The following CNTNAP2 variants were observed in gnomAD, a reference collection of about 807,000 sequenced individuals.
CNTNAP2 encodes the protein contactin associated protein 2.
In CNTNAP2, 98 loss-of-function variants were observed where a neutral mutation model predicts 155.2. The observed-to-expected ratio is 0.63, with a 90% CI of 0.54 to 0.75. CNTNAP2 has a LOEUF of 0.75. Ranked by LOEUF, CNTNAP2 falls within the 30% of genes least tolerant of loss-of-function variation. The pLI is 0.00. For missense variants in CNTNAP2, 1,727 were observed against 1,688.1 expected (o/e 1.02, Z -0.40); for synonymous variants, 651 against 631.2 (o/e 1.03, Z -0.47).
At chr7:147,229,431 C>T (rs1356382777) in intron 8 of CNTNAP2, among the ~76,000 whole-genome samples, 3 of 151,944 alleles carry the variant, frequency 2.0e-5, no homozygotes, top group Non-Finnish European at 4.4e-5. Context: ...CCATGTAAGC[C>T]ACAATAAAAC....
At chr7:147,852,313 A>G (rs912630604) in intron 13 of CNTNAP2, among the ~76,000 whole-genome samples, 1 of 152,202 alleles carries the variant, frequency 6.6e-6, no homozygotes, top group Non-Finnish European at 1.5e-5. Context: ...GCAAACTACA[A>G]TTACAGAGGA....
At chr7:147,824,840 G>A (rs949387975) in intron 13 of CNTNAP2, among the ~76,000 whole-genome samples, 5 of 151,934 alleles carry the variant, frequency 3.3e-5, no homozygotes, top group African/African-American at 1.2e-4. Flanking sequence ...GTTGTCTGGG[G>A]GACACTAGAA....
intron 15 of CNTNAP2, among the ~76,000 whole-genome samples, chr7:148,034,206 T>G (rs923318119): frequency 6.6e-6 from 1 of 152,250 alleles, no homozygotes. Context: ...TAGAATTTCC[T>G]GTGTGTAGCA....
chr7:148,098,469 AGCATGCTTGTGTGACTGGAGCCT>A (rs1804020644), intron 15 of CNTNAP2, among the ~76,000 whole-genome samples: 1 of 147,378 alleles, frequency 6.8e-6, no homozygotes, highest in African/African-American at 2.6e-5. Flanking sequence ...AAAAAAAAAA[AGCATGCTTGTGTGACTGGAGCCT>A]AATAAGCAAG....
Position 146,255,799 on chromosome 7 carries a change from C to T in CNTNAP2, c.97+138826C>T, listed in dbSNP as rs142107842. On this transcript the variant is annotated intron_variant, in intron 1 of 23. Coordinates refer to ENST00000361727, the MANE Select transcript of CNTNAP2 (RefSeq NM_014141.6). ...ATTTGTAGCTGGAAAGTGTAAGGGC[C>T]GGTTCCAGAGGTTTGCACTGTAGCA... is the stretch of plus-strand genomic sequence containing the variant. Among the ~76,000 whole-genome samples the T allele has an allele frequency of 5.1e-3, 779 of 152,136 alleles. 5 individuals are homozygous for T. Among genetic ancestry groups the T allele is most frequent in the African/African-American group, 0.018 (742 of 41,490 alleles).
At chr7:146,979,789 C>T (rs1797979160) in intron 3 of CNTNAP2, among the ~76,000 whole-genome samples, 1 of 152,132 alleles carries the variant, frequency 6.6e-6, no homozygotes, top group African/African-American at 2.4e-5. Context: ...GAAATAATAA[C>T]TATGTAAGCT....
chr7:148,338,475 C>T (rs1287401543), intron 21 of CNTNAP2, among the ~76,000 whole-genome samples: 1 of 151,874 alleles, frequency 6.6e-6, no homozygotes, highest in African/African-American at 2.4e-5. Context: ...CTCTTCCCTC[C>T]CCCCACCCCG....
intron 1 of CNTNAP2, among the ~76,000 whole-genome samples, chr7:146,759,734 G>A (rs1422585590): frequency 1.4e-5 from 2 of 147,858 alleles, no homozygotes; most frequent in East Asian, 2.0e-4. Flanking sequence ...GGGGTGGGGT[G>A]TGAGAGCAAG....
intron 13 of CNTNAP2, among the ~76,000 whole-genome samples, chr7:147,808,461 C>A (rs1798127346): frequency 6.6e-6 from 1 of 152,158 alleles, no homozygotes; most frequent in Non-Finnish European, 1.5e-5. Context: ...TTCTTTCTAT[C>A]CTCCCAAAGA....
chr7:146,589,107 C>T lies in CNTNAP2; in HGVS notation c.98-185164C>T, dbSNP rs1285991644. Among the ~76,000 whole-genome samples, 3 of 152,126 alleles carry T rather than the reference C, an allele frequency of 2.0e-5. No homozygotes were observed. In the East Asian group the frequency reaches 5.8e-4, roughly 29 times the overall value. ...TATTTCACATACTCACAAGTTCCCC[C>T]ATTCCATTTCTAGAAAGCTTTTGGA... On this transcript the variant is annotated intron_variant, in intron 1 of 23. Transcript: ENST00000361727.
intron 1 of CNTNAP2, among the ~76,000 whole-genome samples, chr7:146,316,749 G>A (rs1563035153): frequency 6.8e-6 from 1 of 146,122 alleles, no homozygotes; most frequent in Non-Finnish European, 1.5e-5. Context: ...AATGTGTTCA[G>A]GTTTTTTAAT....
At position 148,419,644 on chromosome 7, in the gene CNTNAP2, A is replaced by C. The variant is rs556119615; in HGVS notation, c.*4028A>C. On this transcript the variant is annotated 3_prime_UTR_variant, in exon 24 of 24. Transcript: ENST00000361727. ...TTATTAGTAGAAGCCAGGTTTCACC[A>C]TGTTGGCCAGGGTGGTCTCGAACTC... 6.7e-6 allele frequency: 1 copy of C among 148,726 alleles called. No homozygotes were observed. The highest frequency in any genetic ancestry group is 1.5e-5 in the Non-Finnish European group (1 of 67,420). The allele number at this position is 148,726 out of a possible 1,614,324, so 9.2% of individuals were successfully genotyped here.
chr7:146,334,276 C>A (rs1213706523), intron 1 of CNTNAP2, among the ~76,000 whole-genome samples: 10 of 151,750 alleles, frequency 6.6e-5, no homozygotes, highest in Admixed American at 6.6e-4. Flanking sequence ...CTAAAAATAC[C>A]AAAAATGAGC....
chr7:146,173,818 G>T (rs1404464926), intron 1 of CNTNAP2, among the ~76,000 whole-genome samples: 1 of 152,122 alleles, frequency 6.6e-6, no homozygotes, highest in African/African-American at 2.4e-5. Context: ...CTCCTAACTT[G>T]TAGTAGCATG....
intron 15 of CNTNAP2, among the ~76,000 whole-genome samples, chr7:148,057,181 G>A (rs10271435): frequency 0.12 from 17,972 of 152,096 alleles, 1,382 homozygotes; most frequent in African/African-American, 0.21. Context: ...AGTCACAGGC[G>A]TCGTAAACCC....
intron 1 of CNTNAP2, among the ~76,000 whole-genome samples, chr7:146,577,832 A>T (rs1381250551): frequency 6.6e-6 from 1 of 152,152 alleles, no homozygotes; most frequent in African/African-American, 2.4e-5. Flanking sequence ...AGAGTTTGAA[A>T]AAAAGAAAGT....
chr7:147,124,098 T>C (rs1801184260), intron 6 of CNTNAP2, among the ~76,000 whole-genome samples: 1 of 152,158 alleles, frequency 6.6e-6, no homozygotes, highest in Non-Finnish European at 1.5e-5. Flanking sequence ...AGTCAGTCTC[T>C]AGTTTTGTTG....
intron 13 of CNTNAP2, among the ~76,000 whole-genome samples, chr7:147,769,259 T>C (rs183138597): frequency 6.6e-6 from 1 of 152,214 alleles, no homozygotes. Flanking sequence ...AAGTATACTT[T>C]CCAAAAGGTC....
At chr7:147,592,161 A>C (rs1296012750) in intron 12 of CNTNAP2, among the ~76,000 whole-genome samples, 2 of 152,182 alleles carry the variant, frequency 1.3e-5, no homozygotes, top group African/African-American at 4.8e-5. Context: ...GTGCCTAGCA[A>C]AGGGCTGCTC....
Sources: gnomAD v4.1 joint callset for allele counts (sites outside exome capture counted in the v4.1 genomes callset) on GRCh38, gnomAD v4.1.1 for gene constraint, MANE v1.5 for transcripts, NCBI Gene and HGNC (gene_info 2026-07-23, HGNC 2026-07-21) for gene names.